The following LY75 variants were observed in gnomAD, a reference collection of about 807,000 sequenced individuals.
LY75 encodes the protein C-type lectin domain family 13 member B.
LY75 carries 185 observed loss-of-function variants against 231.7 expected under a neutral mutation model. That is an observed-to-expected ratio of 0.80 (90% confidence interval 0.71 to 0.90). LY75 has a LOEUF of 0.90. LY75 is among the 40% of genes least tolerant of loss of function. LY75 has a pLI of 0.00. For synonymous variants in LY75, 668 were observed against 689.0 expected (o/e 0.97, Z 0.48); for missense variants, 1,947 against 2,050.2 (o/e 0.95, Z 0.97).
chr2:159,879,954 T>G (rs1685385097), intron 8 of LY75, among the ~76,000 whole-genome samples: 1 of 152,188 alleles, frequency 6.6e-6, no homozygotes, highest in Admixed American at 6.5e-5. Flanking sequence ...TCGATTGTGA[T>G]AAGGGTCAGT....
intron 1 of LY75, among the ~76,000 whole-genome samples, chr2:159,902,109 AG>A (rs1686100657): frequency 6.6e-6 from 1 of 152,268 alleles, no homozygotes; most frequent in South Asian, 2.1e-4. Flanking sequence ...ATTACAGAGT[AG>A]ATTTTATTGT....
chr2:159,842,537 A>G, intron 23 of LY75, 163 bp from the exon 24 acceptor site: 3 of 667,066 alleles, frequency 4.5e-6, no homozygotes, highest in Non-Finnish European at 5.6e-6. Context: ...CTTTCAAAGC[A>G]TGGATAAAGG....
chr2:159,890,307 C>CGTCT lies in LY75; in HGVS notation c.704_707dup (p.Ala237AspfsTer18). 6.2e-7 allele frequency: 1 copy of CGTCT among 1,613,428 alleles called. No homozygotes were observed. Among genetic ancestry groups the CGTCT allele is most frequent in the South Asian group, 1.1e-5 (1 of 91,072 alleles). ...CATAAGCTTCTTTCCAAGAAAGAGCCGTCTGAGTATTAAATTGGTAGCAAC... is the reference window on the plus strand; with the variant it reads ...CATAAGCTTCTTTCCAAGAAAGAGCCGTCTGTCTGAGTATTAAATTGGTAGCAAC... On this transcript the variant is annotated frameshift_variant, in exon 4 of 35. Transcript: ENST00000263636. LOFTEE classifies it high-confidence loss of function.
rs1683277875 is a variant in LY75 at position 159,821,229 on chromosome 2, A to ATC, written c.3959-1310_3959-1309insGA. 3.9e-5 allele frequency among the ~76,000 whole-genome samples: 6 copies of ATC among 152,130 alleles called. 1 individual carries two copies. Among genetic ancestry groups the ATC allele is most frequent in the Admixed American group, 1.3e-4 (2 of 15,284 alleles). ...ATATCCACATGTAAAAAAAAAAAAA[A>ATC]AATGAAGTTGGACCCCTTTCTTTCA... On this transcript the variant is annotated intron_variant, in intron 28 of 34. Coordinates refer to ENST00000263636, the MANE Select transcript of LY75 (RefSeq NM_002349.4).
chr2:159,885,917 C>G (rs954453975), intron 5 of LY75, among the ~76,000 whole-genome samples: 65 of 152,096 alleles, frequency 4.3e-4, no homozygotes, highest in Admixed American at 3.3e-4. Context: ...TGCTTTTTGG[C>G]TAAGTGGCAT....
intron 28 of LY75, among the ~76,000 whole-genome samples, chr2:159,823,381 A>T (rs1683361274): frequency 6.6e-6 from 1 of 152,200 alleles, no homozygotes; most frequent in African/African-American, 2.4e-5. Context: ...AAATAAAGAG[A>T]GAAGACACGA....
chr2:159,877,028 A>AAAAAAAAAAAAAAAAAAAG (rs1553810533), intron 11 of LY75, among the ~76,000 whole-genome samples: 6 of 117,132 alleles, frequency 5.1e-5, no homozygotes, highest in East Asian at 2.7e-4. Context: ...AAAAAAAAAA[A>AAAAAAAAAAAAAAAAAAAG]AAAAAAGAAA....
chr2:159,871,152 ATTAG>A (rs1277017536), intron 13 of LY75, among the ~76,000 whole-genome samples: 1 of 152,130 alleles, frequency 6.6e-6, no homozygotes, highest in East Asian at 1.9e-4. Context: ...GAATTTACAT[ATTAG>A]TTATATTTAC....
At chr2:159,839,879 G>A (rs551722590) in intron 25 of LY75, among the ~76,000 whole-genome samples, 113 of 152,084 alleles carry the variant, frequency 7.4e-4, no homozygotes, top group African/African-American at 2.5e-3. Flanking sequence ...GTTGGCGCAT[G>A]CCTGTAATCC....
At position 159,890,381 on chromosome 2, in the gene LY75, T is replaced by C; in HGVS notation, c.638-4A>G. Reference sequence around the variant, plus strand: ...CAATTATCTTCACAACCGTTTTCTGTTGATAAAGACACGTTAGTGATCATA... The same window carrying C: ...CAATTATCTTCACAACCGTTTTCTGCTGATAAAGACACGTTAGTGATCATA... On this transcript the variant is annotated splice_region_variant and splice_polypyrimidine_tract_variant and intron_variant, in intron 3 of 34. Coordinates refer to ENST00000263636, the MANE Select transcript of LY75 (RefSeq NM_002349.4). 4.3e-6 allele frequency: 7 copies of C among 1,612,722 alleles called. No individual in the cohort carries two copies. Among genetic ancestry groups the C allele is most frequent in the Non-Finnish European group, 5.9e-6 (7 of 1,179,446 alleles).
At chr2:159,831,411 C>T (rs991216047) in intron 28 of LY75, among the ~76,000 whole-genome samples, 1 of 152,178 alleles carries the variant, frequency 6.6e-6, no homozygotes, top group African/African-American at 2.4e-5. Context: ...TCATAAATTA[C>T]CCAGGTTCGG....
At chr2:159,815,224 A>G (rs1409119460) in intron 31 of LY75, among the ~76,000 whole-genome samples, 181 bp downstream of exon 31, 1 of 152,150 alleles carries the variant, frequency 6.6e-6, no homozygotes, top group African/African-American at 2.4e-5. Flanking sequence ...GATGATCTCC[A>G]TCTCCTGACC....
intron 31 of LY75, among the ~76,000 whole-genome samples, chr2:159,812,970 T>C (rs956010960): frequency 6.6e-6 from 1 of 152,230 alleles, no homozygotes; most frequent in African/African-American, 2.4e-5. Context: ...GTGACTGGCT[T>C]ATTTCACTTA....
At chr2:159,862,911 C>A (rs564597088) in intron 14 of LY75, among the ~76,000 whole-genome samples, 1 of 152,142 alleles carries the variant, frequency 6.6e-6, no homozygotes, top group East Asian at 1.9e-4. Context: ...TTCTTCCTAT[C>A]TAAATGAAAT....
chr2:159,900,465 G>A (rs555133664), intron 1 of LY75, among the ~76,000 whole-genome samples: 1 of 152,180 alleles, frequency 6.6e-6, no homozygotes, highest in Non-Finnish European at 1.5e-5. Flanking sequence ...CCAGAGTTCA[G>A]CAGAAAGACC....
At chr2:159,809,293 T>G (rs1244757150) in intron 32 of LY75, among the ~76,000 whole-genome samples, 1 of 152,244 alleles carries the variant, frequency 6.6e-6, no homozygotes, top group African/African-American at 2.4e-5. Flanking sequence ...AGTTTGACTA[T>G]GGATCAAATT....
chr2:159,863,498 G>A (rs187628189), intron 14 of LY75, among the ~76,000 whole-genome samples: 2 of 152,266 alleles, frequency 1.3e-5, no homozygotes, highest in East Asian at 3.9e-4. Context: ...CATTCTGAGA[G>A]GTGGGAGGTG....
intron 12 of LY75, 129 bp downstream of exon 12, chr2:159,875,315 C>G: frequency 7.7e-7 from 1 of 1,301,364 alleles, no homozygotes; most frequent in Non-Finnish European, 1.0e-6. Context: ...CTGCCAAGGA[C>G]TCTGTGCTCC....
At chr2:159,831,880 A>C in intron 27 of LY75, 94 bp from the exon 28 acceptor site, 3 of 939,574 alleles carry the variant, frequency 3.2e-6, no homozygotes, top group Non-Finnish European at 4.7e-6. Flanking sequence ...TCAGTTTAAT[A>C]TACTTCAAAA....
Sources: gnomAD v4.1 joint callset for allele counts (sites outside exome capture counted in the v4.1 genomes callset) on GRCh38, gnomAD v4.1.1 for gene constraint, MANE v1.5 for transcripts, NCBI Gene and HGNC (gene_info 2026-07-23, HGNC 2026-07-21) for gene names.